ADAMTSL1: variants seen among roughly 807,000 people sequenced by gnomAD.
The protein encoded by ADAMTSL1 is ADAMTS like 1.
A neutral mutation model predicts 201.8 loss-of-function variants in ADAMTSL1; 126 were observed. The ratio of observed to expected loss-of-function variants is 0.62; its 90% confidence interval spans 0.54 to 0.72. ADAMTSL1 has a LOEUF of 0.72. Ranked by LOEUF, ADAMTSL1 falls within the 30% of genes least tolerant of loss-of-function variation. The pLI is 0.00. For missense variants in ADAMTSL1, 2,679 were observed against 2,277.8 expected, an observed-to-expected ratio of 1.18 and a Z score of -3.59; for synonymous variants, 1,121 against 903.4, an observed-to-expected ratio of 1.24 and a Z score of -4.32.
chr9:18,594,151 C>A (rs1277191897), intron 4 of ADAMTSL1, among the ~76,000 whole-genome samples: 1 of 151,874 alleles, frequency 6.6e-6, no homozygotes, highest in Non-Finnish European at 1.5e-5. Context: ...TTTTTGTTGA[C>A]ATTTTTTTTT....
intron 26 of ADAMTSL1, among the ~76,000 whole-genome samples, chr9:18,900,285 T>C (rs1169547693): frequency 6.6e-6 from 1 of 152,178 alleles, no homozygotes; most frequent in Non-Finnish European, 1.5e-5. Flanking sequence ...AAACAGATGC[T>C]GGTGAGGTTG....
chr9:18,358,231 A>C (rs1836344140), intron 2 of ADAMTSL1, among the ~76,000 whole-genome samples: 1 of 152,232 alleles, frequency 6.6e-6, no homozygotes, highest in Non-Finnish European at 1.5e-5. Flanking sequence ...AATGAATGCT[A>C]GTTAACTTCA....
chr9:18,671,845 G>A (rs1403631398), intron 9 of ADAMTSL1, among the ~76,000 whole-genome samples: 1 of 152,086 alleles, frequency 6.6e-6, no homozygotes, highest in Non-Finnish European at 1.5e-5. Flanking sequence ...AGACCATCCT[G>A]GCTAACAAGG....
intron 1 of ADAMTSL1, among the ~76,000 whole-genome samples, chr9:17,984,233 G>A (rs1818833380): frequency 6.6e-6 from 1 of 151,908 alleles, no homozygotes; most frequent in African/African-American, 2.4e-5. Context: ...ATAATTCAGA[G>A]TACAAAAAGA....
chr9:18,657,183 G>T (rs1828740774), intron 7 of ADAMTSL1, among the ~76,000 whole-genome samples: 2 of 152,168 alleles, frequency 1.3e-5, no homozygotes, highest in African/African-American at 4.8e-5. Flanking sequence ...AATGGGAAGT[G>T]TTATTTAATT....
chr9:18,089,701 A>C (rs894918640), intron 1 of ADAMTSL1, among the ~76,000 whole-genome samples: 5 of 152,182 alleles, frequency 3.3e-5, no homozygotes, highest in African/African-American at 1.2e-4. Flanking sequence ...CCACTTGTAA[A>C]ATAGTCAAAC....
At position 17,996,385 on chromosome 9, in the gene ADAMTSL1, C is replaced by T. The variant is rs1201395812; in HGVS notation, c.87+89463C>T. On this transcript the variant is annotated intron_variant, in intron 1 of 29. Coordinates refer to the ADAMTSL1 transcript ENST00000680146. ...AGATGGGTTTGGGGATAGCAGAGACCTTTTCAGTATAAGGTGAGGGTAAGA... is the reference window on the plus strand; with the variant it reads ...AGATGGGTTTGGGGATAGCAGAGACTTTTTCAGTATAAGGTGAGGGTAAGA... 2.0e-5 allele frequency among the ~76,000 whole-genome samples: 3 copies of T among 151,988 alleles called. No individual in the cohort carries two copies. In the East Asian group the frequency reaches 5.8e-4, roughly 29 times the overall value.
intron 1 of ADAMTSL1, among the ~76,000 whole-genome samples, chr9:18,118,966 A>AG (rs965285422): frequency 1.3e-5 from 2 of 152,138 alleles, no homozygotes; most frequent in African/African-American, 4.8e-5. Flanking sequence ...GTTATTTTTG[A>AG]GGGGACAGTA....
At chr9:18,706,501 G>A (rs1832240767) in intron 13 of ADAMTSL1, 1 of 450,450 alleles carries the variant, frequency 2.2e-6, no homozygotes, top group Non-Finnish European at 4.0e-6. Flanking sequence ...GAGCAAGCAG[G>A]TGGTCTCTGG....
chr9:18,017,899 G>A (rs1045147036), intron 1 of ADAMTSL1, among the ~76,000 whole-genome samples: 1 of 152,010 alleles, frequency 6.6e-6, no homozygotes, highest in East Asian at 1.9e-4. Flanking sequence ...CATTGTACCT[G>A]TCAGATCAAT....
chr9:18,375,535 C>G (rs1008075092), intron 2 of ADAMTSL1, among the ~76,000 whole-genome samples: 8 of 152,146 alleles, frequency 5.3e-5, no homozygotes, highest in Non-Finnish European at 5.9e-5. Flanking sequence ...AATGTACTAA[C>G]TTCACAACAT....
rs116248269 is a variant in ADAMTSL1, at chr9:17,988,285, T to A, written c.87+81363T>A. Among the ~76,000 whole-genome samples, 1,248 of 152,254 alleles carry A rather than the reference T, an allele frequency of 8.2e-3. 21 individuals are homozygous for A. Among genetic ancestry groups the A allele is most frequent in the African/African-American group, 0.029 (1,194 of 41,574 alleles). ...GCCTGTTAGAGGTATGACCTGATTA[T>A]GAGTTCACATGTTACTCTCTATTGA... On this transcript the variant is annotated intron_variant, in intron 1 of 29. Coordinates refer to the ADAMTSL1 transcript ENST00000680146.
intron 1 of ADAMTSL1, among the ~76,000 whole-genome samples, chr9:18,050,456 C>T (rs1040284488): frequency 1.3e-5 from 2 of 152,090 alleles, no homozygotes; most frequent in African/African-American, 4.8e-5. Context: ...AAATTATTAT[C>T]TAAATGAATC....
At chr9:18,805,186 A>G (rs1823029875) in intron 20 of ADAMTSL1, among the ~76,000 whole-genome samples, 1 of 152,218 alleles carries the variant, frequency 6.6e-6, no homozygotes, top group African/African-American at 2.4e-5. Context: ...CAACAAGGCC[A>G]GCCATGGTGT....
At chr9:17,908,928 G>C (rs1034363990) in intron 1 of ADAMTSL1, among the ~76,000 whole-genome samples, 9 of 151,770 alleles carry the variant, frequency 5.9e-5, no homozygotes, top group Admixed American at 5.9e-4. Flanking sequence ...CTAGTTTACA[G>C]TCCCACCAAC....
chr9:18,079,796 AT>A (rs1324073468), intron 1 of ADAMTSL1, among the ~76,000 whole-genome samples: 1 of 151,946 alleles, frequency 6.6e-6, no homozygotes, highest in Non-Finnish European at 1.5e-5. Flanking sequence ...ATCCAGATTT[AT>A]TTTTTTTCTG....
intron 23 of ADAMTSL1, among the ~76,000 whole-genome samples, chr9:18,851,959 C>G (rs757621326): frequency 1.3e-5 from 2 of 152,208 alleles, no homozygotes; most frequent in Non-Finnish European, 2.9e-5. Context: ...CTTTCCCTGG[C>G]ACTGGATGCA....
chr9:18,535,566 C>A (rs914879479), intron 3 of ADAMTSL1, among the ~76,000 whole-genome samples: 16 of 152,156 alleles, frequency 1.1e-4, no homozygotes, highest in Non-Finnish European at 1.3e-4. Flanking sequence ...TATAGCAGCA[C>A]CCCACTCCTG....
At chr9:18,611,708 A>C (rs1825379045) in intron 4 of ADAMTSL1, among the ~76,000 whole-genome samples, 1 of 152,178 alleles carries the variant, frequency 6.6e-6, no homozygotes, top group Non-Finnish European at 1.5e-5. Context: ...AAGAAAGGCA[A>C]TATAGGAAAA....
Sources: gnomAD v4.1 joint callset for allele counts (sites outside exome capture counted in the v4.1 genomes callset) on GRCh38, gnomAD v4.1.1 for gene constraint, MANE v1.5 for transcripts, NCBI Gene and HGNC (gene_info 2026-07-23, HGNC 2026-07-21) for gene names.